AMPH: variants seen among roughly 807,000 people sequenced by gnomAD.
The protein encoded by AMPH is amphiphysin (Stiff-Mann syndrome with breast cancer 128kD autoantigen).
A neutral mutation model predicts 99.1 loss-of-function variants in AMPH; 49 were observed. The observed-to-expected ratio is 0.49, with a 90% CI of 0.39 to 0.63. The LOEUF (loss-of-function observed/expected upper bound fraction) is 0.63, where lower values mean the gene tolerates loss of function less well. Among genes scored for constraint, AMPH ranks in the 20% least tolerant of loss-of-function variants. The pLI, the probability that AMPH is intolerant of heterozygous loss-of-function variation, is 0.00. For synonymous variants in AMPH, 314 were observed against 317.3 expected (o/e 0.99, Z 0.11); for missense variants, 759 against 863.4 (o/e 0.88, Z 1.52).
chr7:38,439,489 T>G (rs1221794578), intron 11 of AMPH, among the ~76,000 whole-genome samples: 3 of 152,222 alleles, frequency 2.0e-5, no homozygotes, highest in Non-Finnish European at 4.4e-5. Flanking sequence ...TTATATAGTA[T>G]TCCTTTTTAA....
intron 12 of AMPH, among the ~76,000 whole-genome samples, chr7:38,435,096 T>C (rs1345073737): frequency 1.3e-5 from 2 of 152,236 alleles, no homozygotes; most frequent in Non-Finnish European, 2.9e-5. Context: ...ATGAATCTTC[T>C]AGAAGAGAGT....
At chr7:38,422,566 C>CTATG (rs1397001058) in intron 15 of AMPH, 89 bp from the exon 16 acceptor site, 11 of 543,966 alleles carry the variant, frequency 2.0e-5, no homozygotes, top group Non-Finnish European at 3.2e-5. Flanking sequence ...ATCTATCTAT[C>CTATG]TATCTATCTA....
At chr7:38,515,079 T>C (rs947674621) in intron 2 of AMPH, among the ~76,000 whole-genome samples, 2 of 152,122 alleles carry the variant, frequency 1.3e-5, no homozygotes, top group African/African-American at 2.4e-5. Context: ...AGTAAAAATA[T>C]GGACAGTAAA....
chr7:38,477,492 T>C (rs754907808), intron 5 of AMPH, among the ~76,000 whole-genome samples: 19 of 152,186 alleles, frequency 1.2e-4, no homozygotes, highest in Non-Finnish European at 2.4e-4. Context: ...TCATTTGGAA[T>C]AGCTGGTGGC....
chr7:38,407,074 ATATGTGTGTGTG>A (rs1458986222), intron 17 of AMPH, among the ~76,000 whole-genome samples: 72 of 32,260 alleles, frequency 2.2e-3, no homozygotes, highest in Non-Finnish European at 3.9e-3. Context: ...ATATATATAT[ATATGTGTGTGTG>A]TGTGTGTGTG....
chr7:38,596,712 TAA>T (rs1793071712), intron 1 of AMPH, among the ~76,000 whole-genome samples: 1 of 152,174 alleles, frequency 6.6e-6, no homozygotes, highest in Admixed American at 6.5e-5. Flanking sequence ...ACCAGAAATC[TAA>T]AACTGTCCTT....
intron 11 of AMPH, among the ~76,000 whole-genome samples, chr7:38,448,836 C>A (rs1304748728): frequency 1.3e-5 from 2 of 152,172 alleles, no homozygotes; most frequent in Non-Finnish European, 2.9e-5. Flanking sequence ...TGAGTTGACA[C>A]ACAATAAACT....
chr7:38,594,832 A>C (rs748397326), intron 1 of AMPH, among the ~76,000 whole-genome samples: 6 of 152,204 alleles, frequency 3.9e-5, no homozygotes, highest in Admixed American at 1.3e-4. Flanking sequence ...AATTATTTCT[A>C]AATTTTTAAG....
chr7:38,589,971 A>G lies in AMPH; in HGVS notation c.69+41312T>C, dbSNP rs373947621. ...TAATGAGTTCTTGTTGCTCGAAATAAAATTTCAAGGGACACTATCACACAG... is the reference window on the plus strand; with the variant it reads ...TAATGAGTTCTTGTTGCTCGAAATAGAATTTCAAGGGACACTATCACACAG... On this transcript the variant is annotated intron_variant, in intron 1 of 20. Transcript: ENST00000356264. 1.0e-3 allele frequency among the ~76,000 whole-genome samples: 155 copies of G among 152,330 alleles called. 3 individuals carry two copies. The South Asian group carries it at 0.03, about 30-fold the overall frequency.
Position 38,491,156 on chromosome 7 carries a change from TAAAG to T in AMPH, c.301-15_301-12del, listed in dbSNP as rs1788707128. The T allele has an allele frequency of 6.3e-7, 1 of 1,578,986 alleles. No homozygotes were observed. Among genetic ancestry groups the T allele is most frequent in the South Asian group, 1.1e-5 (1 of 89,694 alleles). On this transcript the variant is annotated splice_polypyrimidine_tract_variant and intron_variant, in intron 4 of 20. Coordinates refer to ENST00000356264, the MANE Select transcript of AMPH (RefSeq NM_001635.4). ...CAGCACATCACATTTCTAAAAGAAA[TAAAG>T]AGACCACTGCTGAATTATTTTAATT...
chr7:38,517,190 G>T (rs1218642422), intron 2 of AMPH, among the ~76,000 whole-genome samples: 2 of 152,132 alleles, frequency 1.3e-5, no homozygotes, highest in African/African-American at 4.8e-5. Context: ...CATGAGATTT[G>T]GGAGGCCAGA....
chr7:38,618,948 C>T (rs1006426894), intron 1 of AMPH, among the ~76,000 whole-genome samples: 1 of 152,058 alleles, frequency 6.6e-6, no homozygotes, highest in African/African-American at 2.4e-5. Context: ...CAAAATTGAT[C>T]CAAAAAATCT....
At chr7:38,495,923 A>G (rs1158553162) in intron 3 of AMPH, among the ~76,000 whole-genome samples, 4 of 152,220 alleles carry the variant, frequency 2.6e-5, no homozygotes, top group Non-Finnish European at 4.4e-5. Context: ...CTGAAAAGCC[A>G]CGAAGACAGC....
chr7:38,498,311 G>A (rs1028873411), intron 3 of AMPH, among the ~76,000 whole-genome samples: 2 of 152,070 alleles, frequency 1.3e-5, no homozygotes, highest in East Asian at 1.9e-4. Flanking sequence ...CACATAACAC[G>A]ATTTAGCAAA....
chr7:38,407,068 ATATATATATGTG>A (rs1379667055), intron 17 of AMPH, among the ~76,000 whole-genome samples: 3 of 27,174 alleles, frequency 1.1e-4, no homozygotes, highest in African/African-American at 3.4e-4. Flanking sequence ...ATATATATAT[ATATATATATGTG>A]TGTGTGTGTG....
chr7:38,442,706 G>A (rs757445958), intron 11 of AMPH, among the ~76,000 whole-genome samples: 1 of 152,048 alleles, frequency 6.6e-6, no homozygotes, highest in African/African-American at 2.4e-5. Context: ...AGTACTTACG[G>A]AAAATTTATA....
At position 38,401,139 on chromosome 7, in the gene AMPH, T is replaced by C. The variant is rs372470201; in HGVS notation, c.1399-6925A>G. Among the ~76,000 whole-genome samples, 4 of 152,276 alleles carry C rather than the reference T, an allele frequency of 2.6e-5. No individual in the cohort carries two copies. The East Asian group carries it at 7.7e-4, about 29-fold the overall frequency. ...CAGTTCTATTAGCATTAAACACTAG[T>C]TGGTTTCATTTTTAAATGTTACTCT... On this transcript the variant is annotated intron_variant, in intron 17 of 20. Coordinates refer to ENST00000356264, the MANE Select transcript of AMPH (RefSeq NM_001635.4).
intron 16 of AMPH, among the ~76,000 whole-genome samples, chr7:38,420,428 T>C (rs1454613764): frequency 2.6e-5 from 4 of 152,230 alleles, no homozygotes; most frequent in Non-Finnish European, 2.9e-5. Flanking sequence ...GTTGATCCCA[T>C]GCCACACCTA....
At chr7:38,465,413 G>T in intron 9 of AMPH, 54 bp downstream of exon 9, 2 of 1,474,798 alleles carry the variant, frequency 1.4e-6, no homozygotes, top group South Asian at 1.2e-5. Context: ...TCCACAGATT[G>T]AAGAAATTTT....
Sources: gnomAD v4.1 joint callset for allele counts (sites outside exome capture counted in the v4.1 genomes callset) on GRCh38, gnomAD v4.1.1 for gene constraint, MANE v1.5 for transcripts, NCBI Gene and HGNC (gene_info 2026-07-23, HGNC 2026-07-21) for gene names.